Variants in MACROD2 observed in about 807,000 individuals in gnomAD.
MACROD2 encodes the protein mono-ADP ribosylhydrolase 2.
In MACROD2, 36 loss-of-function variants were observed where a neutral mutation model predicts 70.4. The observed-to-expected ratio is 0.51, with a 90% CI of 0.39 to 0.68. The LOEUF is 0.68. MACROD2 is among the 30% of genes least tolerant of loss of function. MACROD2 has a pLI of 0.00. For synonymous variants in MACROD2, 172 were observed against 178.8 expected, an observed-to-expected ratio of 0.96 and a Z score of 0.30; for missense variants, 496 against 538.4, an observed-to-expected ratio of 0.92 and a Z score of 0.78.
At chr20:15,817,678 C>T (rs12480206) in intron 8 of MACROD2, among the ~76,000 whole-genome samples, 6,251 of 152,192 alleles carry the variant, frequency 0.041, 359 homozygotes, top group East Asian at 0.31. Context: ...GTTAGACCAC[C>T]ACCATATCTC....
chr20:15,700,507 A>G (rs1428188506), intron 8 of MACROD2, among the ~76,000 whole-genome samples: 1 of 151,756 alleles, frequency 6.6e-6, no homozygotes, highest in Non-Finnish European at 1.5e-5. Flanking sequence ...TCTTTCTCTT[A>G]TTTTTCCCCC....
At chr20:14,286,692 C>G (rs1359837070) in intron 3 of MACROD2, among the ~76,000 whole-genome samples, 1 of 151,988 alleles carries the variant, frequency 6.6e-6, no homozygotes, top group East Asian at 1.9e-4. Flanking sequence ...TGTTAATTTG[C>G]TTTAACACAT....
intron 5 of MACROD2, among the ~76,000 whole-genome samples, chr20:14,819,201 G>A (rs2122201398): frequency 6.6e-6 from 1 of 151,908 alleles, no homozygotes; most frequent in South Asian, 2.1e-4. Context: ...GGGAGGCAGA[G>A]GTTGTAGTGA....
chr20:14,637,238 A>G (rs1459662883), intron 4 of MACROD2, among the ~76,000 whole-genome samples: 2 of 152,158 alleles, frequency 1.3e-5, no homozygotes, highest in Non-Finnish European at 2.9e-5. Flanking sequence ...ACATGTGTCT[A>G]ACAGTTGACT....
intron 3 of MACROD2, among the ~76,000 whole-genome samples, chr20:14,357,660 G>A (rs541968263): frequency 1.7e-4 from 26 of 152,202 alleles, no homozygotes; most frequent in Non-Finnish European, 3.4e-4. Flanking sequence ...AAACTATGAA[G>A]TGTGATTTCC....
At chr20:15,649,018 G>A (rs1026739219) in intron 8 of MACROD2, among the ~76,000 whole-genome samples, 1 of 150,942 alleles carries the variant, frequency 6.6e-6, no homozygotes, top group Non-Finnish European at 1.5e-5. Context: ...GCTGAAGAAT[G>A]TATCTGGAAC....
chr20:15,813,292 C>T (rs1002286489), intron 8 of MACROD2, among the ~76,000 whole-genome samples: 2 of 152,170 alleles, frequency 1.3e-5, no homozygotes, highest in Non-Finnish European at 2.9e-5. Flanking sequence ...ACTTCTTAAG[C>T]TCACTTTTCT....
rs888521995 is a variant in MACROD2, at chr20:14,165,632, T to C, written c.271+79904T>C. Among the ~76,000 whole-genome samples, 7 of 152,370 alleles carry C rather than the reference T, an allele frequency of 4.6e-5. No homozygotes were observed. The East Asian group carries it at 7.7e-4, about 17-fold the overall frequency. On this transcript the variant is annotated intron_variant, in intron 3 of 17. Coordinates refer to ENST00000684519, the MANE Select transcript of MACROD2 (RefSeq NM_001351661.2). ...TTTAGAGAAATAATGGAGATACTTA[T>C]ACTTTTTCTTTCCTAACATTGAAAT...
At chr20:14,711,652 C>T (rs139760865) in intron 5 of MACROD2, among the ~76,000 whole-genome samples, 78 of 152,164 alleles carry the variant, frequency 5.1e-4, no homozygotes, top group Middle Eastern at 3.4e-3. Context: ...TAAATGGGGG[C>T]CAAACCTTCA....
intron 5 of MACROD2, among the ~76,000 whole-genome samples, chr20:15,150,514 G>A (rs1475851162): frequency 6.6e-6 from 1 of 152,024 alleles, no homozygotes; most frequent in Non-Finnish European, 1.5e-5. Context: ...AGCCCATGCT[G>A]TAGCAGGCGA....
At chr20:15,387,997 TG>T (rs1191131424) in intron 6 of MACROD2, among the ~76,000 whole-genome samples, 1 of 152,120 alleles carries the variant, frequency 6.6e-6, no homozygotes, top group Non-Finnish European at 1.5e-5. Context: ...GCCGTCTTCC[TG>T]TCATGGCCTC....
At chr20:14,203,350 T>A (rs908597567) in intron 3 of MACROD2, among the ~76,000 whole-genome samples, 1 of 152,156 alleles carries the variant, frequency 6.6e-6, no homozygotes, top group Non-Finnish European at 1.5e-5. Context: ...TCCTTTAACA[T>A]CATTATTTTG....
intron 5 of MACROD2, among the ~76,000 whole-genome samples, chr20:15,148,122 G>T (rs2076243787): frequency 6.6e-6 from 1 of 151,760 alleles, no homozygotes; most frequent in Admixed American, 6.6e-5. Context: ...ATTTTTGGGG[G>T]GTGGTATGGA....
intron 3 of MACROD2, among the ~76,000 whole-genome samples, chr20:14,370,522 G>A (rs907356512): frequency 6.6e-6 from 1 of 152,128 alleles, no homozygotes; most frequent in Non-Finnish European, 1.5e-5. Context: ...AGGAAGTATA[G>A]CATAGAAGGC....
intron 3 of MACROD2, among the ~76,000 whole-genome samples, chr20:14,358,967 G>T (rs557437493): frequency 6.6e-6 from 1 of 152,086 alleles, no homozygotes; most frequent in South Asian, 2.1e-4. Context: ...AGGGAGGATC[G>T]CTTGAGCCCA....
chr20:14,171,850 C>A (rs1245598882), intron 3 of MACROD2, among the ~76,000 whole-genome samples: 2 of 152,070 alleles, frequency 1.3e-5, no homozygotes, highest in Admixed American at 1.3e-4. Context: ...CTGTTAAGTC[C>A]ATTTGTTCTA....
chr20:14,370,694 C>G (rs1215529294), intron 3 of MACROD2, among the ~76,000 whole-genome samples: 1 of 152,138 alleles, frequency 6.6e-6, no homozygotes, highest in Non-Finnish European at 1.5e-5. Flanking sequence ...AATTTCCTGG[C>G]TCCAATCCAT....
At chr20:15,924,894 T>G (rs2065466465) in intron 10 of MACROD2, among the ~76,000 whole-genome samples, 2 of 152,202 alleles carry the variant, frequency 1.3e-5, no homozygotes, top group South Asian at 4.1e-4. Context: ...TCACTGGTTA[T>G]CTAGATTCAG....
intron 5 of MACROD2, among the ~76,000 whole-genome samples, chr20:15,058,625 A>G (rs2075506591): frequency 6.6e-6 from 1 of 152,190 alleles, no homozygotes; most frequent in Non-Finnish European, 1.5e-5. Context: ...GGCCAACCAA[A>G]TCTGGATATT....
Sources: allele counts gnomAD v4.1 joint callset (sites outside exome capture counted in the v4.1 genomes callset), GRCh38; gene constraint gnomAD v4.1.1; transcripts MANE v1.5; gene names NCBI Gene and HGNC (gene_info 2026-07-23, HGNC 2026-07-21).